Variants in TASP1 observed in about 807,000 individuals in gnomAD.
TASP1 encodes the protein threonine aspartase 1.
In TASP1, 16 loss-of-function variants were observed where a neutral mutation model predicts 56.6. That is an observed-to-expected ratio of 0.28 (90% CI 0.19 to 0.43). The LOEUF (loss-of-function observed/expected upper bound fraction) is 0.43, where lower values mean the gene tolerates loss of function less well. Among genes scored for constraint, TASP1 ranks in the 20% least tolerant of loss-of-function variants. TASP1 has a pLI of 1.00. For synonymous variants in TASP1, 179 were observed against 184.2 expected (o/e 0.97, Z 0.23); for missense variants, 393 against 511.6 (o/e 0.77, Z 2.24).
At chr20:13,392,530 T>C (rs2041328801) in intron 13 of TASP1, 1 of 262,968 alleles carries the variant, frequency 3.8e-6, no homozygotes, top group Admixed American at 4.7e-5. Flanking sequence ...CACAGAAGCA[T>C]ACTACTCCGG....
intron 13 of TASP1, among the ~76,000 whole-genome samples, chr20:13,392,494 T>C (rs1004878876): frequency 1.3e-5 from 2 of 152,200 alleles, no homozygotes; most frequent in African/African-American, 4.8e-5. Context: ...ACATCTCAGT[T>C]TCCCTGTACC....
chr20:13,533,994 C>G (rs1317833583), intron 9 of TASP1, 28 bp downstream of exon 9: 2 of 1,587,602 alleles, frequency 1.3e-6, no homozygotes, highest in Middle Eastern at 1.7e-4. Context: ...CTTTGAAAGG[C>G]TAGTTTAAAA....
chr20:13,236,317 A>G, the TASP1 span, among the ~76,000 whole-genome samples: 1 of 152,122 alleles, frequency 6.6e-6, no homozygotes, highest in Non-Finnish European at 1.5e-5. Flanking sequence ...CACCTTTCCA[A>G]CTAATGCTGG....
chr20:13,115,206 C>G, the TASP1 span, among the ~76,000 whole-genome samples: 1 of 152,044 alleles, frequency 6.6e-6, no homozygotes. Context: ...ACTCAATATC[C>G]CACTGTGGGA....
chr20:13,149,598 C>T, the TASP1 span, among the ~76,000 whole-genome samples: 1 of 152,216 alleles, frequency 6.6e-6, no homozygotes, highest in African/African-American at 2.4e-5. Context: ...TATGAGAAAG[C>T]GTGGCAACCA....
the TASP1 span, among the ~76,000 whole-genome samples, chr20:13,122,465 C>T: frequency 1.3e-5 from 2 of 152,320 alleles, no homozygotes; most frequent in Admixed American, 1.3e-4. Context: ...GCTTACTCTT[C>T]TGGGGAGAAG....
At chr20:13,408,401 C>A (rs2041995282) in intron 13 of TASP1, among the ~76,000 whole-genome samples, 2 of 152,072 alleles carry the variant, frequency 1.3e-5, no homozygotes, top group Admixed American at 1.3e-4. Flanking sequence ...TTTTTCATTC[C>A]AAAGTAATAA....
At chr20:13,417,743 T>C (rs115971829) in intron 12 of TASP1, among the ~76,000 whole-genome samples, 215 of 152,352 alleles carry the variant, frequency 1.4e-3, no homozygotes, top group African/African-American at 5.0e-3. Context: ...AAAGTTATGA[T>C]TATTACATGT....
At chr20:13,426,785 TTAAA>T (rs1168416724) in intron 12 of TASP1, among the ~76,000 whole-genome samples, 2 of 152,190 alleles carry the variant, frequency 1.3e-5, no homozygotes, top group Non-Finnish European at 2.9e-5. Context: ...CATCTGATCC[TTAAA>T]TAAGAACTAA....
chr20:13,355,173 A>G, the TASP1 span, among the ~76,000 whole-genome samples: 2 of 152,202 alleles, frequency 1.3e-5, no homozygotes, highest in Admixed American at 1.3e-4. Context: ...ATAAGCAAAT[A>G]ATTTTGAGCA....
At chr20:13,450,132 G>A (rs75001462) in intron 11 of TASP1, among the ~76,000 whole-genome samples, 8,919 of 152,090 alleles carry the variant, frequency 0.059, 371 homozygotes, top group African/African-American at 0.12. Flanking sequence ...TAACTGTATA[G>A]CAGTGCTATG....
intron 8 of TASP1, among the ~76,000 whole-genome samples, chr20:13,555,215 C>A (rs1156880253): frequency 6.6e-6 from 1 of 151,836 alleles, no homozygotes; most frequent in Admixed American, 6.6e-5. Context: ...GAAACCCCAT[C>A]TCTACTAAAA....
the TASP1 span, among the ~76,000 whole-genome samples, chr20:13,303,571 C>A: frequency 6.6e-6 from 1 of 152,204 alleles, no homozygotes; most frequent in Non-Finnish European, 1.5e-5. Context: ...TCCAGCACTG[C>A]ACCTGGCATG....
At chr20:13,306,564 C>CAAAAAAAAAAAAAAAAAAAAAAAAAG in the TASP1 span, among the ~76,000 whole-genome samples, 2 of 63,914 alleles carry the variant, frequency 3.1e-5, no homozygotes, top group Non-Finnish European at 5.3e-5. Context: ...GGAGAAAGGA[C>CAAAAAAAAAAAAAAAAAAAAAAAAAG]AAAAAAAAAA....
chr20:13,242,420 T>C, the TASP1 span, among the ~76,000 whole-genome samples: 3 of 152,274 alleles, frequency 2.0e-5, no homozygotes, highest in East Asian at 5.8e-4. Flanking sequence ...GAGTTAGCCA[T>C]GGAACCAAGA....
the TASP1 span, among the ~76,000 whole-genome samples, chr20:13,215,059 A>C: frequency 6.6e-6 from 1 of 152,178 alleles, no homozygotes; most frequent in Non-Finnish European, 1.5e-5. Context: ...TTCCATTTGG[A>C]TATGCACCCA....
chr20:13,244,387 C>CAAAAAAAA, the TASP1 span: 1 of 108,588 alleles, frequency 9.2e-6, no homozygotes, highest in Non-Finnish European at 2.0e-5. Flanking sequence ...ATGTCCTATG[C>CAAAAAAAA]AAAAAAAAAA....
chr20:13,454,859 C>T (rs568121313), intron 11 of TASP1, among the ~76,000 whole-genome samples: 1 of 152,162 alleles, frequency 6.6e-6, no homozygotes, highest in Non-Finnish European at 1.5e-5. Flanking sequence ...AAATTGTTAA[C>T]CTTAGGACAC....
intron 10 of TASP1, among the ~76,000 whole-genome samples, chr20:13,517,391 T>A (rs912193985): frequency 3.3e-5 from 5 of 152,140 alleles, no homozygotes; most frequent in African/African-American, 1.2e-4. Flanking sequence ...ATATCCTTCA[T>A]ATCCTTTAAA....
Sources: allele counts gnomAD v4.1 joint callset (sites outside exome capture counted in the v4.1 genomes callset), GRCh38; gene constraint gnomAD v4.1.1; transcripts MANE v1.5; gene names NCBI Gene and HGNC (gene_info 2026-07-23, HGNC 2026-07-21).